The following GPCPD1 variants were observed in gnomAD, a reference collection of about 807,000 sequenced individuals.
GPCPD1 encodes the protein glycerophosphocholine phosphodiesterase GPCPD1.
Under a neutral mutation model 89.2 loss-of-function variants are expected in GPCPD1, and 29 were observed. The observed-to-expected ratio is 0.33, with a 90% CI of 0.24 to 0.44. The LOEUF (loss-of-function observed/expected upper bound fraction) is 0.44. Ranked by LOEUF, GPCPD1 falls within the 20% of genes least tolerant of loss-of-function variation. GPCPD1 has a pLI of 1.00. For synonymous variants in GPCPD1, 258 were observed against 266.3 expected (o/e 0.97, Z 0.30); for missense variants, 594 against 808.9 (o/e 0.73, Z 3.22).
At chr20:5,586,402 T>A in intron 4 of GPCPD1, 133 bp from the exon 5 acceptor site, 1 of 584,992 alleles carries the variant, frequency 1.7e-6, no homozygotes. Context: ...ATCAATATTA[T>A]ATGCCAAAAG....
intron 19 of GPCPD1, chr20:5,548,262 C>G (rs553235552): frequency 6.5e-6 from 1 of 153,886 alleles, no homozygotes; most frequent in African/African-American, 2.4e-5. Context: ...TGCTTACCAG[C>G]GTGGGAACTA....
chr20:5,610,286 G>T (rs1316100388), intron 1 of GPCPD1, among the ~76,000 whole-genome samples: 1 of 152,170 alleles, frequency 6.6e-6, no homozygotes, highest in Non-Finnish European at 1.5e-5. Context: ...ACTATTCCTG[G>T]AACCTTTTCC....
rs532615194 is a variant in GPCPD1 at position 5,546,283 on chromosome 20, T to C, written c.*1378A>G. The C allele has an allele frequency of 6.6e-6, 1 of 152,346 alleles. No individual in the cohort carries two copies. Among genetic ancestry groups the C allele is most frequent in the African/African-American group, 2.4e-5 (1 of 41,574 alleles). 9.4% of individuals were successfully genotyped at this position (152,346 alleles called of 1,614,324 possible). On this transcript the variant is annotated 3_prime_UTR_variant, in exon 20 of 20. Transcript: ENST00000379019. ...ATACTACACAATGTATAATTTCAAG[T>C]CTTAGGTTCTCAGCTACTACCAAAA... is the stretch of plus-strand genomic sequence containing the variant.
chr20:5,568,695 A>C (rs1452628902), intron 12 of GPCPD1, among the ~76,000 whole-genome samples: 1 of 152,090 alleles, frequency 6.6e-6, no homozygotes, highest in African/African-American at 2.4e-5. Flanking sequence ...ACCTGAGGTC[A>C]AGAGTTTGAG....
rs182990227 is a variant in GPCPD1, at chr20:5,575,595, G to T, written c.869-50C>A. 20 of 1,215,962 alleles carry T rather than the reference G, an allele frequency of 1.6e-5. No individual in the cohort carries two copies. The African/African-American group carries it at 2.7e-4, about 17-fold the overall frequency. The allele number at this position is 1,215,962 out of a possible 1,614,324, so 75.3% of individuals were successfully genotyped here. A position where few individuals can be genotyped will look rare whatever the true frequency, so the allele number is the denominator to read the frequency against. On this transcript the variant is annotated intron_variant, in intron 9 of 19. Transcript: ENST00000379019. ...AACAAAAATAAAAATGATTAAAAGG[G>T]CCATTATGAGCTACATTATATTTAA...
intron 2 of GPCPD1, among the ~76,000 whole-genome samples, chr20:5,602,386 G>A (rs987724618): frequency 2.6e-5 from 4 of 152,182 alleles, no homozygotes; most frequent in Admixed American, 6.5e-5. Flanking sequence ...TTCTCTCCAC[G>A]GAAGTGGCCA....
At chr20:5,564,007 GC>G (rs1286519708) in intron 15 of GPCPD1, among the ~76,000 whole-genome samples, 2 of 151,838 alleles carry the variant, frequency 1.3e-5, no homozygotes, top group Admixed American at 6.6e-5. Flanking sequence ...ACCTATTTTT[GC>G]CTAAGAAATC....
In GPCPD1 at chr20:5,580,128, C is replaced by A; in HGVS notation, c.353G>T (p.Gly118Val). 6.9e-7 allele frequency: 1 copy of A among 1,450,348 alleles called. No individual in the cohort carries two copies. Among genetic ancestry groups the A allele is most frequent in the Non-Finnish European group, 9.6e-7 (1 of 1,041,088 alleles). 89.8% of individuals were successfully genotyped at this position (1,450,348 alleles called of 1,614,324 possible). The change falls in exon 7 of 20, where the codon GGT (glycine) becomes GTT (valine). Residue 118 changes from glycine to valine, a missense_variant. By Grantham distance (109) the Gly-to-Val change is moderately radical (BLOSUM62 -3). Transcript: ENST00000379019. Reference protein sequence around the residue: ...IDDGQFGIHNGVETLDSGWLT... With the variant: ...IDDGQFGIHNVVETLDSGWLT... ...CCATCCAGAATCCAGAGTTTCAACA[C>A]CATCTGACAGAATAAATATGAAGAA...
chr20:5,573,086 C>T (rs1445309135), intron 11 of GPCPD1, among the ~76,000 whole-genome samples: 155 of 144,206 alleles, frequency 1.1e-3, no homozygotes, highest in African/African-American at 3.6e-3. Context: ...ATCTTTCCTT[C>T]TTTTTTTTTT....
intron 16 of GPCPD1, among the ~76,000 whole-genome samples, chr20:5,561,152 G>C (rs1486250673): frequency 5.9e-5 from 9 of 152,098 alleles, no homozygotes; most frequent in Non-Finnish European, 1.2e-4. Context: ...ATGGGAATAA[G>C]AAAGTAAAAA....
chr20:5,603,873 A>G (rs184982761), intron 2 of GPCPD1, among the ~76,000 whole-genome samples: 15 of 152,002 alleles, frequency 9.9e-5, no homozygotes, highest in Admixed American at 9.2e-4. Context: ...CAGCCTCCCA[A>G]GTAGCTGGGA....
chr20:5,547,819 T>C lies in GPCPD1; in HGVS notation c.1861A>G (p.Ile621Val). 1.2e-6 allele frequency: 2 copies of C among 1,606,762 alleles called. No homozygotes were observed. The highest frequency in any genetic ancestry group is 1.7e-6 in the Non-Finnish European group (2 of 1,174,564). ...CGTTCCAATTGCTCCACTTGGAATA[T>C]ATTTGGTTGTTCAGGCATCCAATCA... ...IYDWMPEQPN[I>V]FQVEQLERLK... is the part of the protein sequence containing the mutation. Residue 621 changes from isoleucine to valine, a missense_variant, in exon 20 of 20, where the codon ATA becomes GTA. By Grantham distance (29) the Ile-to-Val change is conservative. Transcript: ENST00000379019.
At chr20:5,576,988 T>C (rs1978291003) in intron 8 of GPCPD1, among the ~76,000 whole-genome samples, 1 of 151,898 alleles carries the variant, frequency 6.6e-6, no homozygotes, top group Middle Eastern at 3.4e-3. Context: ...GAGGATCGCT[T>C]GAGCCCAGGA....
chr20:5,567,483 C>A lies in GPCPD1; in HGVS notation c.1227G>T (p.Lys409Asn). The A allele has an allele frequency of 6.4e-7, 1 of 1,562,852 alleles. No individual in the cohort carries two copies. Among genetic ancestry groups the A allele is most frequent in the Admixed American group, 2.1e-5 (1 of 47,538 alleles). The stretch of plus-strand genomic sequence containing the variant: ...TTACATTTCATGTTATTATTACTAC[C>A]TTTAACAACTGGAGTTGGTCAAATG... Reference protein sequence around the residue: ...ELTFDQLQLLKLTHVTALKSK... With the variant: ...ELTFDQLQLLNLTHVTALKSK... Residue 409 changes from lysine (K) to asparagine (N), a missense_variant and splice_region_variant, in exon 13 of 20, where the codon AAG (lysine) becomes AAT (asparagine). Transcript: ENST00000379019.
At chr20:5,573,816 C>T (rs909647893) in intron 11 of GPCPD1, 99 bp downstream of exon 11, 2 of 783,124 alleles carry the variant, frequency 2.6e-6, no homozygotes, top group African/African-American at 1.7e-5. Context: ...AATATAAATG[C>T]CAAGAGATAT....
At chr20:5,583,313 G>A (rs1301205392) in intron 6 of GPCPD1, among the ~76,000 whole-genome samples, 1 of 151,774 alleles carries the variant, frequency 6.6e-6, no homozygotes, top group Non-Finnish European at 1.5e-5. Context: ...GGAGGCTGAG[G>A]TGGGTGGATC....
chr20:5,598,155 A>G (rs892013584), intron 3 of GPCPD1, among the ~76,000 whole-genome samples: 1 of 152,084 alleles, frequency 6.6e-6, no homozygotes, highest in East Asian at 1.9e-4. Flanking sequence ...GGGCAACATA[A>G]CCAGACACCA....
intron 17 of GPCPD1, among the ~76,000 whole-genome samples, chr20:5,559,633 A>C (rs1264385429): frequency 6.6e-6 from 1 of 152,214 alleles, no homozygotes; most frequent in African/African-American, 2.4e-5. Flanking sequence ...TTTCTATACA[A>C]GAGCTAAAAT....
rs1349654822 is a variant in GPCPD1, at chr20:5,546,150, A to G, written c.*1511T>C. On this transcript the variant is annotated 3_prime_UTR_variant, in exon 20 of 20. Coordinates refer to ENST00000379019, the MANE Select transcript of GPCPD1 (RefSeq NM_019593.5). The stretch of plus-strand genomic sequence containing the variant: ...ACCCTTGCAGAAGACTCCATTTCCT[A>G]AACTATTTTGCATTAATATCAACGT... 1 of 152,222 alleles carries G rather than the reference A, an allele frequency of 6.6e-6. No homozygotes were observed. The highest frequency in any genetic ancestry group is 1.5e-5 in the Non-Finnish European group (1 of 68,030). 9.4% of individuals were successfully genotyped at this position (152,222 alleles called of 1,614,324 possible). A position where few individuals can be genotyped will look rare whatever the true frequency, so the allele number is the denominator to read the frequency against.
Sources: allele counts gnomAD v4.1 joint callset (sites outside exome capture counted in the v4.1 genomes callset), GRCh38; gene constraint gnomAD v4.1.1; transcripts MANE v1.5; gene names NCBI Gene and HGNC (gene_info 2026-07-23, HGNC 2026-07-21).